Variants in CBR4 observed in about 807,000 individuals in gnomAD.
The protein encoded by CBR4 is carbonyl reductase 4, also known as 3-oxoacyl-[acyl-carrier-protein] reductase.
A neutral mutation model predicts 21.0 loss-of-function variants in CBR4; 22 were observed. The ratio of observed to expected loss-of-function variants is 1.05; its 90% CI spans 0.75 to 1.50. CBR4 has a LOEUF of 1.50. Ranked by LOEUF, CBR4 falls within the 40% of genes most tolerant of loss-of-function variation. The pLI, the probability that CBR4 is intolerant of heterozygous loss-of-function variation, is 0.00. For missense variants in CBR4, 302 were observed against 286.3 expected (o/e 1.05, Z -0.40); for synonymous variants, 100 against 104.4 (o/e 0.96, Z 0.26).
At chr4:168,931,999 C>T (rs1762982911) in intron 2 of CBR4, among the ~76,000 whole-genome samples, 3 of 152,026 alleles carry the variant, frequency 2.0e-5, no homozygotes, top group Admixed American at 2.0e-4. Flanking sequence ...CTACCAGATG[C>T]ATAGAAATCA....
chr4:169,009,932 C>A lies in CBR4; in HGVS notation c.142+16G>T, dbSNP rs752036416. The A allele has an allele frequency of 6.2e-7, 1 of 1,606,488 alleles. No individual in the cohort carries two copies. Among genetic ancestry groups the A allele is most frequent in the Admixed American group, 1.7e-5 (1 of 58,800 alleles). ...ACCGCGGCCATACAACTGGACAACT[C>A]CAGTTTGGTACCTACCGCCGAGGTC... On this transcript the variant is annotated intron_variant, in intron 1 of 4. Coordinates refer to ENST00000306193, the MANE Select transcript of CBR4 (RefSeq NM_032783.5).
chr4:168,900,433 A>G (rs1756253215), intron 2 of CBR4, among the ~76,000 whole-genome samples: 1 of 152,198 alleles, frequency 6.6e-6, no homozygotes, highest in African/African-American at 2.4e-5. Flanking sequence ...AAAGAACAAG[A>G]TAGTACCAAA....
intron 4 of CBR4, among the ~76,000 whole-genome samples, chr4:168,993,677 G>C (rs1468297949): frequency 1.3e-5 from 2 of 152,082 alleles, no homozygotes; most frequent in African/African-American, 4.8e-5. Context: ...TCAAACTCTA[G>C]CAAAATTAGC....
chr4:168,945,836 A>T (rs1217402820), intron 2 of CBR4, among the ~76,000 whole-genome samples: 1 of 152,196 alleles, frequency 6.6e-6, no homozygotes, highest in Non-Finnish European at 1.5e-5. Flanking sequence ...TAAAGGCATA[A>T]ATCCAAAAGA....
At position 168,901,727 on chromosome 4, in the gene CBR4, G is replaced by A. The variant is rs116749245; in HGVS notation, n.170-6962C>T. 6.7e-3 allele frequency among the ~76,000 whole-genome samples: 1,019 copies of A among 151,946 alleles called. 5 individuals carry two copies. The highest frequency in any genetic ancestry group is 0.034 in the Middle Eastern group (10 of 292). On this transcript the variant is annotated intron_variant and non_coding_transcript_variant, in intron 2 of 3. Coordinates refer to the CBR4 transcript ENST00000509108. ...ACAAACATTAGCTGAGCATGGAGGC[G>A]CACACCTGTAATCCCAGCTACTCAG...
At chr4:168,926,578 C>T in intron 2 of CBR4, 1 of 503,738 alleles carries the variant, frequency 2.0e-6, no homozygotes, top group African/African-American at 1.9e-5. Context: ...CAAATATACA[C>T]ATTGCACAGA....
At chr4:168,945,050 T>G (rs952228962) in intron 2 of CBR4, among the ~76,000 whole-genome samples, 3 of 152,204 alleles carry the variant, frequency 2.0e-5, no homozygotes, top group African/African-American at 7.2e-5. Context: ...TTTCACTAAA[T>G]TCCTTCTTTT....
chr4:168,953,768 C>T (rs919526207), intron 2 of CBR4, among the ~76,000 whole-genome samples: 2 of 152,024 alleles, frequency 1.3e-5, no homozygotes, highest in South Asian at 4.2e-4. Context: ...AGAAGATAGC[C>T]AAAGATTGCC....
At chr4:168,947,038 A>G (rs1247098733) in intron 2 of CBR4, among the ~76,000 whole-genome samples, 1 of 152,172 alleles carries the variant, frequency 6.6e-6, no homozygotes, top group Admixed American at 6.6e-5. Flanking sequence ...TGAAATTATC[A>G]TCCTCAAGAA....
At chr4:169,001,015 C>T (rs1014926636) in intron 4 of CBR4, among the ~76,000 whole-genome samples, 2 of 151,964 alleles carry the variant, frequency 1.3e-5, no homozygotes, top group African/African-American at 2.4e-5. Context: ...AACAGGGTCT[C>T]GCTCTGTCAC....
At chr4:168,967,764 C>T (rs1404661312) in intron 2 of CBR4, among the ~76,000 whole-genome samples, 2 of 152,138 alleles carry the variant, frequency 1.3e-5, no homozygotes. Context: ...CAAACAAAAA[C>T]TGATAGACCA....
intron 3 of CBR4, among the ~76,000 whole-genome samples, chr4:169,002,847 CTG>C (rs763351636): frequency 5.1e-4 from 78 of 151,650 alleles, no homozygotes; most frequent in Non-Finnish European, 8.4e-4. Flanking sequence ...AGTGCTCACT[CTG>C]TGTCTCTTTG....
At chr4:168,931,786 C>A (rs1762976402) in intron 2 of CBR4, among the ~76,000 whole-genome samples, 1 of 152,180 alleles carries the variant, frequency 6.6e-6, no homozygotes, top group Non-Finnish European at 1.5e-5. Flanking sequence ...ACCACTGCTA[C>A]AAATTCTCAC....
chr4:168,897,427 C>T lies in CBR4; in HGVS notation n.170-2662G>A, dbSNP rs949987617. ...TTTAATATTAAATAGGGAATATTTA[C>T]ATAGACTCCCTTGTCTTCATTGCAC... On this transcript the variant is annotated intron_variant and non_coding_transcript_variant, in intron 2 of 3. Coordinates refer to the CBR4 transcript ENST00000509108. 1.1e-4 allele frequency among the ~76,000 whole-genome samples: 17 copies of T among 152,200 alleles called. No individual in the cohort carries two copies. The East Asian group carries it at 3.3e-3, about 29-fold the overall frequency.
At chr4:169,006,164 G>A (rs1257567885) in intron 3 of CBR4, among the ~76,000 whole-genome samples, 2 of 152,062 alleles carry the variant, frequency 1.3e-5, no homozygotes, top group East Asian at 3.9e-4. Flanking sequence ...TGAAACTGCT[G>A]TAGACAATAT....
rs1762301011 is a variant in CBR4 at position 168,925,035 on chromosome 4, T to C, written n.170-30270A>G. ...GGTGGTATACTGTGTCAGCCAAGAA[T>C]GAAGCAGGGATTGTGTCCTGTACTG... On this transcript the variant is annotated intron_variant and non_coding_transcript_variant, in intron 2 of 3. Transcript: ENST00000509108. The C allele has an allele frequency of 4.3e-6, 7 of 1,614,152 alleles. No individual in the cohort carries two copies. The highest frequency in any genetic ancestry group is 5.9e-6 in the Non-Finnish European group (7 of 1,179,990).
intron 2 of CBR4, among the ~76,000 whole-genome samples, chr4:168,962,038 ATTATAT>A (rs1763878779): frequency 6.6e-6 from 1 of 152,086 alleles, no homozygotes; most frequent in South Asian, 2.1e-4. Flanking sequence ...AAAAAAAACC[ATTATAT>A]TAAAGAGTTA....
intron 2 of CBR4, among the ~76,000 whole-genome samples, chr4:168,920,206 G>A (rs1210342632): frequency 6.6e-6 from 1 of 152,198 alleles, no homozygotes; most frequent in Non-Finnish European, 1.5e-5. Flanking sequence ...ACAGCAAGTG[G>A]ATAGATAGGA....
chr4:168,983,584 A>C (rs1277898541), downstream of CBR4, among the ~76,000 whole-genome samples: 1 of 152,098 alleles, frequency 6.6e-6, no homozygotes, highest in Non-Finnish European at 1.5e-5. Flanking sequence ...TGACACCAAA[A>C]CCTGGCACAG....
Sources: gnomAD v4.1 joint callset for allele counts (sites outside exome capture counted in the v4.1 genomes callset) on GRCh38, gnomAD v4.1.1 for gene constraint, MANE v1.5 for transcripts, NCBI Gene and HGNC (gene_info 2026-07-23, HGNC 2026-07-21) for gene names.